Variants in SNED1 observed in about 807,000 individuals in gnomAD.
The protein encoded by SNED1 is sushi, nidogen and EGF-like domain-containing protein 1.
SNED1 carries 81 observed loss-of-function variants against 166.7 expected under a neutral mutation model. That is an observed-to-expected ratio of 0.49 (90% confidence interval 0.41 to 0.58). SNED1 has a LOEUF of 0.58. Ranked by LOEUF, SNED1 falls within the 20% of genes least tolerant of loss-of-function variation. The pLI is 0.00. For missense variants in SNED1, 1,604 were observed against 2,000.2 expected (o/e 0.80, Z 3.78); for synonymous variants, 762 against 822.0 (o/e 0.93, Z 1.25).
intron 1 of SNED1, among the ~76,000 whole-genome samples, chr2:241,009,862 C>G (rs997002383): frequency 1.3e-5 from 2 of 152,240 alleles, no homozygotes; most frequent in Admixed American, 1.3e-4. Context: ...GTATTGCCGT[C>G]GGTGGCTGGG....
intron 1 of SNED1, among the ~76,000 whole-genome samples, chr2:241,014,694 T>C (rs1288176340): frequency 6.6e-6 from 1 of 152,224 alleles, no homozygotes. Context: ...TGCACTCGTT[T>C]CATCCTCTTT....
At chr2:241,020,439 C>T (rs546036880) in intron 1 of SNED1, among the ~76,000 whole-genome samples, 81 of 152,348 alleles carry the variant, frequency 5.3e-4, no homozygotes, top group African/African-American at 1.9e-3. Context: ...CCCCGTGACT[C>T]GAGCACCCCG....
In SNED1 at chr2:241,051,967, G is replaced by T; in HGVS notation, c.1853-74G>T. 6.7e-7 allele frequency: 1 copy of T among 1,501,676 alleles called. No homozygotes were observed. The highest frequency in any genetic ancestry group is 9.2e-7 in the Non-Finnish European group (1 of 1,092,424). The allele number at this position is 1,501,676 out of a possible 1,614,324, so 93.0% of individuals were successfully genotyped here. Reference sequence around the variant, plus strand: ...GCTGTGGGTCTGCTTCTCATGAAGAGGCCCCAGCTCTGGGATGTTGGGGAA... The same window carrying T: ...GCTGTGGGTCTGCTTCTCATGAAGATGCCCCAGCTCTGGGATGTTGGGGAA... On this transcript the variant is annotated intron_variant, in intron 13 of 31. Transcript: ENST00000310397. This position sits in a 1 kb window ranked among gnomAD's most constrained non-coding sequence, Gnocchi z 4.7.
In SNED1 at chr2:241,065,505, A is replaced by C. The variant is rs755596551; in HGVS notation, c.2920A>C (p.Arg974=). 6.2e-7 allele frequency: 1 copy of C among 1,612,514 alleles called. No individual in the cohort carries two copies. The highest frequency in any genetic ancestry group is 2.2e-5 in the East Asian group (1 of 44,848). ...CCAGCTCCAGGCCCTGGCGGCCGGC[A>C]GGGCCTACAACATCTCCGTCTTCTC... ...SHQLQALAAG[R]AYNISVFSVK... is the part of the protein sequence containing the mutation. Residue 974 remains arginine, a synonymous_variant, in exon 21 of 32, where the codon AGG becomes CGG. Coordinates refer to ENST00000310397, the MANE Select transcript of SNED1 (RefSeq NM_001080437.3).
rs546311211 is a variant in SNED1, at chr2:241,075,845, A to C, written c.3916+2481A>C. 9.3e-4 allele frequency among the ~76,000 whole-genome samples: 137 copies of C among 146,966 alleles called. No individual in the cohort carries two copies. Among genetic ancestry groups the C allele is most frequent in the Non-Finnish European group, 1.6e-3 (104 of 66,886 alleles). On this transcript the variant is annotated intron_variant, in intron 27 of 31. Transcript: ENST00000310397. The surrounding 1 kb of genome is among the most constrained non-coding windows in gnomAD (Gnocchi z 4.8). ...TTTGCTTTTGACCTGTAGGTCATTAATCTGTTAGACTGTGTGTGTGTGAGA... is the reference window on the plus strand; with the variant it reads ...TTTGCTTTTGACCTGTAGGTCATTACTCTGTTAGACTGTGTGTGTGTGAGA...
Position 241,036,998 on chromosome 2 carries a change from G to A in SNED1, c.931+83G>A, listed in dbSNP as rs544967879. 3.2e-3 allele frequency: 4,748 copies of A among 1,496,486 alleles called. 19 individuals are homozygous for A. Among genetic ancestry groups the A allele is most frequent in the Non-Finnish European group, 3.8e-3 (4,202 of 1,110,706 alleles). 92.7% of individuals were successfully genotyped at this position (1,496,486 alleles called of 1,614,324 possible). ...ACTGTAGGCTCCGCCAGTGGCCCTG[G>A]GCGCCCAGGGTCCCAGGTCAGGAGT... On this transcript the variant is annotated intron_variant, in intron 5 of 31. Transcript: ENST00000310397.
At chr2:241,015,466 C>T (rs1049894675) in intron 1 of SNED1, 4 of 152,244 alleles carry the variant, frequency 2.6e-5, no homozygotes, top group East Asian at 1.9e-4. Context: ...ATCCAACTGC[C>T]TGACAAAATC....
intron 16 of SNED1, among the ~76,000 whole-genome samples, chr2:241,062,017 CTTCTT>C (rs1351686757): frequency 6.6e-6 from 1 of 152,162 alleles, no homozygotes; most frequent in Non-Finnish European, 1.5e-5. Context: ...GTGGAGTTCT[CTTCTT>C]CATATAATGC....
chr2:241,011,753 G>A (rs531207651), intron 1 of SNED1, among the ~76,000 whole-genome samples: 1 of 152,328 alleles, frequency 6.6e-6, no homozygotes, highest in Non-Finnish European at 1.5e-5. Flanking sequence ...CCTGCTTCTA[G>A]CTCCTGGGCC....
chr2:241,019,125 A>G (rs2060690129), intron 1 of SNED1, among the ~76,000 whole-genome samples: 1 of 149,668 alleles, frequency 6.7e-6, no homozygotes, highest in African/African-American at 2.5e-5. Context: ...CCAGGAGCAC[A>G]TGCCCATGGT....
At chr2:241,087,749 T>C (rs1178030822) in intron 30 of SNED1, 8 of 1,245,022 alleles carry the variant, frequency 6.4e-6, no homozygotes, top group East Asian at 2.9e-5. Context: ...GGTGCTACAA[T>C]TGGGAAGCAC....
chr2:241,067,342 G>C (rs2062498872), intron 21 of SNED1, among the ~76,000 whole-genome samples: 1 of 152,208 alleles, frequency 6.6e-6, no homozygotes, highest in Non-Finnish European at 1.5e-5. Context: ...CTGTATGTCT[G>C]TCCTCCTAAG....
At position 241,064,617 on chromosome 2, in the gene SNED1, A is replaced by G. The variant is rs2062362561; in HGVS notation, c.2600-227A>G. Among the ~76,000 whole-genome samples the G allele has an allele frequency of 6.6e-6, 1 of 152,048 alleles. No individual in the cohort carries two copies. The highest frequency in any genetic ancestry group is 1.5e-5 in the Non-Finnish European group (1 of 67,986). On this transcript the variant is annotated intron_variant, in intron 19 of 31. Coordinates refer to ENST00000310397, the MANE Select transcript of SNED1 (RefSeq NM_001080437.3). This position sits in a 1 kb window ranked among gnomAD's most constrained non-coding sequence, Gnocchi z 7.0. ...TCCTGATCCAGTGTCTCCTCCCCTC[A>G]GCCAGTCCGGCTGGTGGCACTCCGC...
At chr2:241,060,375 G>C (rs1279384264) in intron 16 of SNED1, among the ~76,000 whole-genome samples, 1 of 152,184 alleles carries the variant, frequency 6.6e-6, no homozygotes, top group Non-Finnish European at 1.5e-5. Context: ...TAGAGACGGG[G>C]TTTCACCATG....
chr2:241,088,710 A>G lies in SNED1; in HGVS notation c.*1+308A>G, dbSNP rs193172199. 4.7e-3 allele frequency: 1,819 copies of G among 390,966 alleles called. 27 individuals carry two copies. Among genetic ancestry groups the G allele is most frequent in the African/African-American group, 0.033 (1,599 of 48,414 alleles). The allele number at this position is 390,966 out of a possible 1,614,324, so 24.2% of individuals were successfully genotyped here. On this transcript the variant is annotated intron_variant, in intron 31 of 31. Transcript: ENST00000310397. ...GCCAAGAAACCCCTAGATCAGCTGCAGTGGGAGGAAGAGGCAGGGGGGTGG... is the reference window on the plus strand; with the variant it reads ...GCCAAGAAACCCCTAGATCAGCTGCGGTGGGAGGAAGAGGCAGGGGGGTGG...
chr2:241,054,995 T>C (rs2062000339), intron 16 of SNED1, among the ~76,000 whole-genome samples: 1 of 152,054 alleles, frequency 6.6e-6, no homozygotes, highest in South Asian at 2.1e-4. Flanking sequence ...CACATGCCTG[T>C]AATCCCAGCT....
rs765065499 is a variant in SNED1 at position 241,033,898 on chromosome 2, CTG to C, written c.642+27_642+28del. The C allele has an allele frequency of 3.2e-6, 5 of 1,576,534 alleles. No homozygotes were observed. The African/African-American group carries it at 5.4e-5, about 17-fold the overall frequency. ...CAGGTAGGCGAGTGCAGTCGGTGCT[CTG>C]TGTTCAGAACCCCTGCTCCCCACAG... On this transcript the variant is annotated intron_variant, in intron 3 of 31. Transcript: ENST00000310397.
At chr2:241,004,701 C>T (rs893584033) in intron 1 of SNED1, among the ~76,000 whole-genome samples, 5 of 151,990 alleles carry the variant, frequency 3.3e-5, no homozygotes, top group Non-Finnish European at 7.4e-5. Context: ...ATGTTATAAA[C>T]CCAATAATGC....
chr2:241,030,439 C>T lies in SNED1; in HGVS notation c.369C>T (p.Asp123=). The T allele has an allele frequency of 6.2e-7, 1 of 1,613,688 alleles. No homozygotes were observed. The highest frequency in any genetic ancestry group is 8.5e-7 in the Non-Finnish European group (1 of 1,179,828). ...ACGTGTACTACCGGGAGGCCACCGA[C>T]CCAGCCATGCTGCGCCGAGCCACGG... ...AGDVYYREAT[D]PAMLRRATED... Residue 123 remains aspartate (D), a synonymous_variant, in exon 2 of 32, where the codon GAC becomes GAT. Coordinates refer to ENST00000310397, the MANE Select transcript of SNED1 (RefSeq NM_001080437.3).
Sources: gnomAD v4.1 joint callset for allele counts (sites outside exome capture counted in the v4.1 genomes callset) on GRCh38, gnomAD v4.1.1 for gene constraint, Gnocchi (gnomAD v3.1) non-coding constraint, MANE v1.5 for transcripts, NCBI Gene and HGNC (gene_info 2026-07-23, HGNC 2026-07-21) for gene names.